GATAD2A: variants seen among roughly 807,000 people sequenced by gnomAD.
The protein encoded by GATAD2A is GATA zinc finger domain containing 2A.
GATAD2A carries 12 observed loss-of-function variants against 68.5 expected under a neutral mutation model. The ratio of observed to expected loss-of-function variants is 0.18; its 90% CI spans 0.11 to 0.28. GATAD2A has a LOEUF of 0.28. GATAD2A is among the 10% of genes least tolerant of loss of function. The pLI, the probability that GATAD2A is intolerant of heterozygous loss-of-function variation, is 1.00. For missense variants in GATAD2A, 755 were observed against 868.5 expected (o/e 0.87, Z 1.64); for synonymous variants, 410 against 375.3 (o/e 1.09, Z -1.07).
intron 1 of GATAD2A, among the ~76,000 whole-genome samples, chr19:19,386,671 GTCTC>G (rs956735737): frequency 2.0e-5 from 3 of 151,712 alleles, no homozygotes; most frequent in African/African-American, 7.3e-5. Context: ...GGGAACCCCC[GTCTC>G]TCCGAGGGGA....
intron 1 of GATAD2A, among the ~76,000 whole-genome samples, chr19:19,418,264 C>T (rs555096649): frequency 6.6e-6 from 1 of 152,328 alleles, no homozygotes; most frequent in East Asian, 1.9e-4. Flanking sequence ...GGCTCTCTGA[C>T]CCCATCTGAC....
intron 1 of GATAD2A, among the ~76,000 whole-genome samples, chr19:19,452,310 G>T (rs2147837390): frequency 6.6e-6 from 1 of 152,318 alleles, no homozygotes; most frequent in African/African-American, 2.4e-5. Context: ...TGGGGCCAAG[G>T]AGTCCCTGCT....
At chr19:19,452,739 C>T (rs1481654099) in intron 1 of GATAD2A, among the ~76,000 whole-genome samples, 1 of 152,090 alleles carries the variant, frequency 6.6e-6, no homozygotes, top group Non-Finnish European at 1.5e-5. Flanking sequence ...CTTTAGCCAC[C>T]CACAGTAACT....
At chr19:19,419,165 C>G (rs2052022114) in intron 1 of GATAD2A, among the ~76,000 whole-genome samples, 1 of 152,006 alleles carries the variant, frequency 6.6e-6, no homozygotes, top group Admixed American at 6.6e-5. Flanking sequence ...GAAGGGATGT[C>G]TGCACACACT....
intron 1 of GATAD2A, among the ~76,000 whole-genome samples, chr19:19,447,595 C>A (rs2055878704): frequency 6.6e-6 from 1 of 152,208 alleles, no homozygotes; most frequent in South Asian, 2.1e-4. Context: ...TGTGCAGGAA[C>A]CTGCTGCAAG....
intron 2 of GATAD2A, among the ~76,000 whole-genome samples, chr19:19,483,792 T>G (rs2059224012): frequency 6.6e-6 from 1 of 150,988 alleles, no homozygotes; most frequent in Admixed American, 6.6e-5. Context: ...TTTTTTTTTT[T>G]TTTTTTTTTG....
chr19:19,490,207 T>G (rs1019795635), intron 2 of GATAD2A, among the ~76,000 whole-genome samples: 1 of 152,072 alleles, frequency 6.6e-6, no homozygotes, highest in African/African-American at 2.4e-5. Flanking sequence ...AGGACCAGCG[T>G]TCAGGTACAG....
intron 1 of GATAD2A, among the ~76,000 whole-genome samples, chr19:19,452,370 C>T (rs1403605971): frequency 6.6e-6 from 1 of 152,152 alleles, no homozygotes; most frequent in Non-Finnish European, 1.5e-5. Flanking sequence ...GGGGAGACTG[C>T]CCATCTTGTG....
chr19:19,426,616 T>A (rs2053123259), intron 1 of GATAD2A, among the ~76,000 whole-genome samples: 1 of 152,220 alleles, frequency 6.6e-6, no homozygotes, highest in South Asian at 2.1e-4. Context: ...GTTCCAGTGA[T>A]TCTTGTGCCT....
chr19:19,472,962 G>A (rs959754200), intron 2 of GATAD2A, among the ~76,000 whole-genome samples: 5 of 152,352 alleles, frequency 3.3e-5, no homozygotes, highest in African/African-American at 9.6e-5. Flanking sequence ...ACCATGTCAT[G>A]AAGGAAAGCG....
intron 2 of GATAD2A, among the ~76,000 whole-genome samples, chr19:19,477,935 G>T (rs2058785849): frequency 6.6e-6 from 1 of 152,208 alleles, no homozygotes; most frequent in South Asian, 2.1e-4. Flanking sequence ...CGCTTTCTGT[G>T]ACTTAGGTAA....
intron 1 of GATAD2A, among the ~76,000 whole-genome samples, chr19:19,446,217 A>G (rs1299718559): frequency 6.6e-6 from 1 of 152,142 alleles, no homozygotes; most frequent in Non-Finnish European, 1.5e-5. Flanking sequence ...GATTGTAGCC[A>G]TCCTAGTGGG....
intron 1 of GATAD2A, among the ~76,000 whole-genome samples, chr19:19,409,976 C>T (rs2050729514): frequency 6.6e-6 from 1 of 152,140 alleles, no homozygotes; most frequent in Admixed American, 6.5e-5. Flanking sequence ...TTTAGGTAGC[C>T]TCAGGAAGTG....
At chr19:19,397,320 G>A (rs1052212594) in intron 1 of GATAD2A, among the ~76,000 whole-genome samples, 2 of 150,654 alleles carry the variant, frequency 1.3e-5, no homozygotes, top group Admixed American at 1.3e-4. Context: ...TCAGCTTACC[G>A]CAACCTCCGC....
intron 1 of GATAD2A, among the ~76,000 whole-genome samples, chr19:19,448,047 C>T (rs2055934683): frequency 6.6e-6 from 1 of 152,210 alleles, no homozygotes; most frequent in South Asian, 2.1e-4. Context: ...CTGATGGGCA[C>T]GTAGCAGATG....
intron 1 of GATAD2A, among the ~76,000 whole-genome samples, chr19:19,433,280 G>A (rs1013121346): frequency 3.3e-5 from 5 of 152,124 alleles, no homozygotes; most frequent in Admixed American, 6.6e-5. Flanking sequence ...ATCCACATGC[G>A]TGCATCTATT....
At chr19:19,481,824 G>A (rs1249973432) in intron 2 of GATAD2A, among the ~76,000 whole-genome samples, 1 of 152,204 alleles carries the variant, frequency 6.6e-6, no homozygotes. Flanking sequence ...ATGACATAGT[G>A]GGGCTCAGTG....
chr19:19,498,559 C>T lies in GATAD2A; in HGVS notation c.1041C>T (p.Ala347=), dbSNP rs751195395. Reference sequence around the variant, plus strand: ...AGTCTCCAGCAAGCCGACAGGCGGCCGCCAAGCTGGCGCTGCGCAAACAGC... The same window carrying T: ...AGTCTCCAGCAAGCCGACAGGCGGCTGCCAAGCTGGCGCTGCGCAAACAGC... The part of the protein sequence containing the change: ...SAESPASRQA[A]AKLALRKQLE... Residue 347 remains alanine, a synonymous_variant, in exon 8 of 12, where the codon GCC becomes GCT. Coordinates refer to ENST00000683918, the MANE Select transcript of GATAD2A (RefSeq NM_001384528.1). 15 of 1,613,950 alleles carry T rather than the reference C, an allele frequency of 9.3e-6. No individual in the cohort carries two copies. The highest frequency in any genetic ancestry group is 6.6e-5 in the South Asian group (6 of 91,084).
chr19:19,405,973 C>G lies in GATAD2A; in HGVS notation c.-53C>G, dbSNP rs1325670709. 2.0e-5 allele frequency: 3 copies of G among 150,176 alleles called. No individual in the cohort carries two copies. The highest frequency in any genetic ancestry group is 1.3e-4 in the Admixed American group (2 of 15,110). 9.3% of individuals were successfully genotyped at this position (150,176 alleles called of 1,614,324 possible). A position where few individuals can be genotyped will look rare whatever the true frequency, so the allele number is the denominator to read the frequency against. ...CCGCGGGCGACCCCGGACCAGCAGC[C>G]CCCGTAACCTGCGCGCTGCCCTAGG... On this transcript the variant is annotated 5_prime_UTR_variant, in exon 1 of 12. Transcript: ENST00000683918.
Sources: gnomAD v4.1 joint callset for allele counts (sites outside exome capture counted in the v4.1 genomes callset) on GRCh38, gnomAD v4.1.1 for gene constraint, MANE v1.5 for transcripts, NCBI Gene and HGNC (gene_info 2026-07-23, HGNC 2026-07-21) for gene names.